Variants in TSHZ3 observed in about 807,000 individuals in gnomAD.
The protein encoded by TSHZ3 is teashirt homolog 3.
In TSHZ3, 10 loss-of-function variants were observed where a neutral mutation model predicts 64.5. The ratio of observed to expected loss-of-function variants is 0.16; its 90% confidence interval spans 0.10 to 0.26. The LOEUF (loss-of-function observed/expected upper bound fraction) is 0.26, where lower values mean the gene tolerates loss of function less well. Among genes scored for constraint, TSHZ3 ranks in the 10% least tolerant of loss-of-function variants. The pLI is 1.00. For synonymous variants in TSHZ3, 608 were observed against 593.1 expected (o/e 1.03, Z -0.36); for missense variants, 1,242 against 1,421.7 (o/e 0.87, Z 2.03).
chr19:31,315,434 G>A (rs1482333214), intron 1 of TSHZ3, among the ~76,000 whole-genome samples: 2 of 152,132 alleles, frequency 1.3e-5, no homozygotes. Flanking sequence ...CTCTACTCCT[G>A]GGGGCGGGGT....
At chr19:31,187,399 G>GTT (rs34701889) in intron 5 of TSHZ3, among the ~76,000 whole-genome samples, 2 of 149,448 alleles carry the variant, frequency 1.3e-5, no homozygotes, top group African/African-American at 4.9e-5. Flanking sequence ...GTTTAATCGT[G>GTT]TTTTTTTTTT....
At chr19:31,289,823 C>T (rs1976533200) in intron 1 of TSHZ3, among the ~76,000 whole-genome samples, 1 of 152,210 alleles carries the variant, frequency 6.6e-6, no homozygotes, top group South Asian at 2.1e-4. Context: ...CCTTGAATCA[C>T]CTTCCTCTGT....
At chr19:31,197,486 C>A (rs1308782205) in intron 5 of TSHZ3, among the ~76,000 whole-genome samples, 18 of 147,336 alleles carry the variant, frequency 1.2e-4, no homozygotes, top group Non-Finnish European at 2.4e-4. Flanking sequence ...AAATTGAACT[C>A]AAGAAAAAAA....
In TSHZ3 at chr19:31,159,659, T is replaced by G. The variant is rs79089673; in HGVS notation, n.810-3242A>C. On this transcript the variant is annotated intron_variant and non_coding_transcript_variant, in intron 5 of 6. Transcript: ENST00000651361. ...TACCTTGATGGTGAGGAATGTTAAT[T>G]GAAAGAAAATGACTTTTTATGAAGT... Among the ~76,000 whole-genome samples, 423 of 152,288 alleles carry G rather than the reference T, an allele frequency of 2.8e-3. 14 individuals carry two copies. In the East Asian group the frequency reaches 0.066, roughly 24 times the overall value.
intron 1 of TSHZ3, among the ~76,000 whole-genome samples, chr19:31,338,577 T>C (rs965257509): frequency 2.2e-5 from 3 of 136,130 alleles, no homozygotes; most frequent in East Asian, 2.4e-4. Context: ...TTTCTTTTTT[T>C]TTTCTTTTTT....
At chr19:31,350,162 G>A (rs1442613205), upstream of TSHZ3, among the ~76,000 whole-genome samples, 1 of 149,928 alleles carries the variant, frequency 6.7e-6, no homozygotes, top group Non-Finnish European at 1.5e-5. Context: ...GGCCGGGGCT[G>A]GCGTCCCCCG....
chr19:31,225,877 A>G (rs1157137877), intron 4 of TSHZ3, among the ~76,000 whole-genome samples: 3 of 152,154 alleles, frequency 2.0e-5, no homozygotes, highest in African/African-American at 7.2e-5. Flanking sequence ...CCGTAACCCC[A>G]GCACTTTGGG....
intron 1 of TSHZ3, among the ~76,000 whole-genome samples, chr19:31,252,276 G>A (rs933804981): frequency 6.6e-6 from 1 of 152,108 alleles, no homozygotes; most frequent in Non-Finnish European, 1.5e-5. Flanking sequence ...GGTTGTGGCT[G>A]CATCCCTGTA....
In TSHZ3 at chr19:31,241,582, G is replaced by A. The variant is rs1475838372; in HGVS notation, n.550+687C>T. Among the ~76,000 whole-genome samples the A allele has an allele frequency of 2.0e-5, 3 of 152,196 alleles. No individual in the cohort carries two copies. The East Asian group carries it at 5.8e-4, about 29-fold the overall frequency. ...CAGTCTGGTTCTCAGCCATGGACTT[G>A]CAGGGAACCACCTACACACCTCCCT... On this transcript the variant is annotated intron_variant and non_coding_transcript_variant, in intron 3 of 6. Coordinates refer to the TSHZ3 transcript ENST00000651361.
chr19:31,238,573 A>G (rs1403713798), intron 3 of TSHZ3, among the ~76,000 whole-genome samples: 2 of 152,146 alleles, frequency 1.3e-5, no homozygotes, highest in South Asian at 2.1e-4. Context: ...TTGATGCCCT[A>G]TGATAAACGG....
chr19:31,183,082 C>T (rs1974742658), intron 5 of TSHZ3, among the ~76,000 whole-genome samples: 1 of 152,084 alleles, frequency 6.6e-6, no homozygotes, highest in African/African-American at 2.4e-5. Context: ...ATCTGAACTA[C>T]AACATCAACC....
chr19:31,234,259 G>T lies in TSHZ3; in HGVS notation n.551-6119C>A, dbSNP rs546739455. On this transcript the variant is annotated intron_variant and non_coding_transcript_variant, in intron 3 of 6. Coordinates refer to the TSHZ3 transcript ENST00000651361. Reference sequence around the variant, plus strand: ...GCTAAATTCATTTTTAGCTCTAGTAGTTTTTTTCATAAAATCCTTAGGATT... The same window carrying T: ...GCTAAATTCATTTTTAGCTCTAGTATTTTTTTTCATAAAATCCTTAGGATT... Among the ~76,000 whole-genome samples, 128 of 152,080 alleles carry T rather than the reference G, an allele frequency of 8.4e-4. 1 individual carries two copies. The highest frequency in any genetic ancestry group is 1.6e-3 in the Non-Finnish European group (110 of 67,956).
intron 1 of TSHZ3, among the ~76,000 whole-genome samples, chr19:31,264,535 G>A (rs907647733): frequency 6.6e-6 from 1 of 152,152 alleles, no homozygotes; most frequent in African/African-American, 2.4e-5. Context: ...GGAGGAGCAG[G>A]GCCCAGGGCC....
At chr19:31,249,412 G>C (rs1447165895) in intron 1 of TSHZ3, among the ~76,000 whole-genome samples, 1 of 152,116 alleles carries the variant, frequency 6.6e-6, no homozygotes, top group Non-Finnish European at 1.5e-5. Flanking sequence ...TGGCACTAGA[G>C]GGCAGGCCAG....
intron 1 of TSHZ3, among the ~76,000 whole-genome samples, chr19:31,307,521 G>A (rs528556325): frequency 2.5e-4 from 38 of 152,156 alleles, no homozygotes; most frequent in Non-Finnish European, 4.9e-4. Context: ...TGTTCCATTA[G>A]GACCCCACAA....
intron 6 of TSHZ3, among the ~76,000 whole-genome samples, chr19:31,155,705 G>C (rs916028521): frequency 6.6e-6 from 1 of 152,072 alleles, no homozygotes; most frequent in Non-Finnish European, 1.5e-5. Flanking sequence ...CCAAGTTCTC[G>C]CCTTCGTCTG....
At chr19:31,230,850 C>T in intron 3 of TSHZ3, among the ~76,000 whole-genome samples, 1 of 151,796 alleles carries the variant, frequency 6.6e-6, no homozygotes, top group Non-Finnish European at 1.5e-5. Flanking sequence ...CAGGCTCCTG[C>T]CACCACGCGC....
At chr19:31,297,683 G>T (rs1378840822) in intron 1 of TSHZ3, among the ~76,000 whole-genome samples, 1 of 152,028 alleles carries the variant, frequency 6.6e-6, no homozygotes, top group Non-Finnish European at 1.5e-5. Flanking sequence ...GCCCAGGCTG[G>T]TCTTGAACTC....
intron 1 of TSHZ3, among the ~76,000 whole-genome samples, chr19:31,259,908 T>C (rs944995822): frequency 2.0e-5 from 3 of 152,208 alleles, no homozygotes; most frequent in African/African-American, 7.2e-5. Context: ...AGATCCCAGG[T>C]CTCTTGTGGG....
Sources: gnomAD v4.1 joint callset for allele counts (sites outside exome capture counted in the v4.1 genomes callset) on GRCh38, gnomAD v4.1.1 for gene constraint, MANE v1.5 for transcripts, NCBI Gene and HGNC (gene_info 2026-07-23, HGNC 2026-07-21) for gene names.